Variants in ASIC2 observed in about 807,000 individuals in gnomAD.
The protein encoded by ASIC2 is acid sensing ion channel subunit 2.
Under a neutral mutation model 57.3 loss-of-function variants are expected in ASIC2, and 25 were observed. The ratio of observed to expected loss-of-function variants is 0.44; its 90% CI spans 0.32 to 0.61. The LOEUF is 0.61. Ranked by LOEUF, ASIC2 falls within the 20% of genes least tolerant of loss-of-function variation. ASIC2 has a pLI of 0.06. For missense variants in ASIC2, 641 were observed against 738.1 expected (o/e 0.87, Z 1.52); for synonymous variants, 319 against 307.5 (o/e 1.04, Z -0.39).
At chr17:33,237,894 C>A (rs1908355702) in intron 1 of ASIC2, among the ~76,000 whole-genome samples, 1 of 152,288 alleles carries the variant, frequency 6.6e-6, no homozygotes, top group Admixed American at 6.5e-5. Flanking sequence ...CTCCATCTCT[C>A]ACTAACCACC....
At chr17:33,592,786 C>A (rs1347912367) in intron 1 of ASIC2, among the ~76,000 whole-genome samples, 6 of 152,186 alleles carry the variant, frequency 3.9e-5, no homozygotes, top group Admixed American at 3.3e-4. Context: ...AATCAAAGAC[C>A]TTCCACTGCC....
At chr17:33,889,124 T>C (rs1264537570) in intron 1 of ASIC2, among the ~76,000 whole-genome samples, 1 of 152,178 alleles carries the variant, frequency 6.6e-6, no homozygotes, top group Admixed American at 6.5e-5. Context: ...GTTTCTCTCT[T>C]GTGGTGAGGG....
chr17:33,801,955 T>C (rs1912144662), intron 1 of ASIC2, among the ~76,000 whole-genome samples: 1 of 152,200 alleles, frequency 6.6e-6, no homozygotes, highest in South Asian at 2.1e-4. Context: ...CACATATTAT[T>C]CAAACTATTC....
chr17:33,021,564 C>T (rs2091835617), intron 6 of ASIC2, among the ~76,000 whole-genome samples: 1 of 152,260 alleles, frequency 6.6e-6, no homozygotes, highest in Non-Finnish European at 1.5e-5. Context: ...TCTCTTTGCA[C>T]CCTATGCAGG....
rs189391008 is a variant in ASIC2 at position 33,350,543 on chromosome 17, C to T, written c.556-238476G>A. On this transcript the variant is annotated intron_variant, in intron 1 of 9. Coordinates refer to the ASIC2 transcript ENST00000359872. Reference sequence around the variant, plus strand: ...AAAAATACAAAAATTAGCTGGGCGTCGTGGTGTGCGCACCTGTAGTCCCAG... The same window carrying T: ...AAAAATACAAAAATTAGCTGGGCGTTGTGGTGTGCGCACCTGTAGTCCCAG... 3.9e-5 allele frequency among the ~76,000 whole-genome samples: 6 copies of T among 151,938 alleles called. 1 individual carries two copies. The highest frequency in any genetic ancestry group is 1.2e-4 in the African/African-American group (5 of 41,416).
chr17:33,288,477 G>A (rs546231957), intron 1 of ASIC2, among the ~76,000 whole-genome samples: 7 of 152,102 alleles, frequency 4.6e-5, no homozygotes, highest in Non-Finnish European at 8.8e-5. Flanking sequence ...AGGACCAGGT[G>A]GAGGGTCTGA....
At chr17:33,586,665 C>T (rs1475010051) in intron 1 of ASIC2, among the ~76,000 whole-genome samples, 1 of 152,124 alleles carries the variant, frequency 6.6e-6, no homozygotes, top group Non-Finnish European at 1.5e-5. Flanking sequence ...ACAGGATTTT[C>T]CTGTTTCTTC....
Position 33,933,232 on chromosome 17 carries a change from A to T in ASIC2, c.555+222746T>A, listed in dbSNP as rs1286092170. ...AGAAAGTCACCTCCTCAAAGAAGCC[A>T]TCCCTGATTCACTTCCTCAATCCCA... On this transcript the variant is annotated intron_variant, in intron 1 of 9. Transcript: ENST00000359872. Among the ~76,000 whole-genome samples, 10 of 152,330 alleles carry T rather than the reference A, an allele frequency of 6.6e-5. No homozygotes were observed. The South Asian group carries it at 8.3e-4, about 13-fold the overall frequency.
At chr17:33,464,695 A>C (rs563066477) in intron 1 of ASIC2, among the ~76,000 whole-genome samples, 14,493 of 128,032 alleles carry the variant, frequency 0.11, 824 homozygotes, top group Non-Finnish European at 0.13. Flanking sequence ...CTCTATATAT[A>C]TATATATATG....
chr17:33,099,417 C>A (rs1433882193), intron 2 of ASIC2, among the ~76,000 whole-genome samples: 3 of 152,196 alleles, frequency 2.0e-5, no homozygotes, highest in African/African-American at 7.2e-5. Flanking sequence ...TGTGGGAAAG[C>A]ACCTTATACA....
chr17:33,539,561 T>C (rs1217701708), intron 1 of ASIC2, among the ~76,000 whole-genome samples: 3 of 152,260 alleles, frequency 2.0e-5, no homozygotes, highest in Non-Finnish European at 4.4e-5. Flanking sequence ...ATTCAATGCC[T>C]TGTAGAAGTG....
chr17:33,755,766 G>A lies in ASIC2; in HGVS notation c.555+400212C>T, dbSNP rs185667368. The stretch of plus-strand genomic sequence containing the variant: ...CGTAAGAGTGTGCAAACATAAACAC[G>A]CAGGATACAGAGGGGACCAAAGGAA... On this transcript the variant is annotated intron_variant, in intron 1 of 9. Transcript: ENST00000359872. 5.3e-5 allele frequency among the ~76,000 whole-genome samples: 8 copies of A among 152,224 alleles called. No individual in the cohort carries two copies. The East Asian group carries it at 1.2e-3, about 22-fold the overall frequency.
chr17:33,176,661 T>C (rs1196365875), intron 1 of ASIC2, among the ~76,000 whole-genome samples: 1 of 152,220 alleles, frequency 6.6e-6, no homozygotes, highest in Non-Finnish European at 1.5e-5. Flanking sequence ...TTGTTGAATA[T>C]GAGGGACTAA....
At chr17:33,684,773 CT>C (rs527365196) in intron 1 of ASIC2, among the ~76,000 whole-genome samples, 105 of 145,178 alleles carry the variant, frequency 7.2e-4, no homozygotes, top group African/African-American at 7.8e-4. Flanking sequence ...ATATCCACGT[CT>C]TTTTTTTTTT....
intron 1 of ASIC2, among the ~76,000 whole-genome samples, chr17:33,157,393 G>A (rs1437361730): frequency 6.6e-6 from 1 of 152,192 alleles, no homozygotes; most frequent in African/African-American, 2.4e-5. Context: ...GGCTCTTTGA[G>A]GTTAAGTAAC....
intron 1 of ASIC2, among the ~76,000 whole-genome samples, chr17:34,074,462 C>G (rs1403425801): frequency 6.6e-6 from 1 of 152,184 alleles, no homozygotes; most frequent in East Asian, 1.9e-4. Flanking sequence ...CACCCTCTCT[C>G]TATGCATAGG....
chr17:33,173,395 C>T (rs547225349), intron 1 of ASIC2, among the ~76,000 whole-genome samples: 2 of 152,254 alleles, frequency 1.3e-5, no homozygotes, highest in African/African-American at 2.4e-5. Context: ...ACCAAGCTTG[C>T]GGGGCCTGAT....
chr17:33,751,612 G>A (rs1292528590), intron 1 of ASIC2, among the ~76,000 whole-genome samples: 1 of 151,794 alleles, frequency 6.6e-6, no homozygotes, highest in Non-Finnish European at 1.5e-5. Flanking sequence ...ACACGGATAC[G>A]TCTCCATCCC....
chr17:33,435,425 G>A (rs897805310), intron 1 of ASIC2, among the ~76,000 whole-genome samples: 1 of 152,160 alleles, frequency 6.6e-6, no homozygotes, highest in African/African-American at 2.4e-5. Flanking sequence ...AGCCAAAGAT[G>A]AGTCCATTTG....
Sources: allele counts gnomAD v4.1 joint callset (sites outside exome capture counted in the v4.1 genomes callset), GRCh38; gene constraint gnomAD v4.1.1; transcripts MANE v1.5; gene names NCBI Gene and HGNC (gene_info 2026-07-23, HGNC 2026-07-21).